SESN1: variants seen among roughly 807,000 people sequenced by gnomAD.
The protein encoded by SESN1 is sestrin-1.
A neutral mutation model predicts 59.3 loss-of-function variants in SESN1; 30 were observed. That is an observed-to-expected ratio of 0.51 (90% CI 0.38 to 0.69). SESN1 has a LOEUF of 0.69. Ranked by LOEUF, SESN1 falls within the 30% of genes least tolerant of loss-of-function variation. The pLI is 0.00. For missense variants in SESN1, 566 were observed against 673.0 expected (o/e 0.84, Z 1.76); for synonymous variants, 197 against 219.9 (o/e 0.90, Z 0.92).
At chr6:108,993,744 T>C (rs1779441881) in intron 6 of SESN1, among the ~76,000 whole-genome samples, 1 of 152,016 alleles carries the variant, frequency 6.6e-6, no homozygotes, top group South Asian at 2.1e-4. Context: ...TCATATAATT[T>C]TTGTTGTTGT....
intron 1 of SESN1, among the ~76,000 whole-genome samples, chr6:109,047,022 G>A (rs1253839190): frequency 4.6e-4 from 13 of 28,198 alleles, no homozygotes; most frequent in African/African-American, 1.9e-3. Flanking sequence ...CCGGCCAGCC[G>A]CCCCATCCGG....
intron 1 of SESN1, chr6:109,009,027 G>A (rs192575059): frequency 9.9e-7 from 1 of 1,009,960 alleles, no homozygotes; most frequent in Non-Finnish European, 1.2e-6. Context: ...CTGACTTGTG[G>A]AGACTTGTCC....
At chr6:109,013,331 G>C (rs2114353199) in intron 1 of SESN1, among the ~76,000 whole-genome samples, 1 of 152,270 alleles carries the variant, frequency 6.6e-6, no homozygotes, top group East Asian at 1.9e-4. Flanking sequence ...GCAGTCTTCG[G>C]AACAATGGGA....
chr6:109,069,634 T>G (rs967620311), intron 1 of SESN1, among the ~76,000 whole-genome samples: 19 of 152,234 alleles, frequency 1.2e-4, no homozygotes, highest in South Asian at 4.1e-4. Context: ...CTGGGACTCC[T>G]GGGTTCAAGT....
Position 108,988,533 on chromosome 6 carries a change from A to G in SESN1, c.1569+10T>C. 1 of 1,596,770 alleles carries G rather than the reference A, an allele frequency of 6.3e-7. No individual in the cohort carries two copies. Among genetic ancestry groups the G allele is most frequent in the Non-Finnish European group, 8.5e-7 (1 of 1,173,522 alleles). On this transcript the variant is annotated intron_variant, in intron 9 of 9. Coordinates refer to ENST00000436639, the MANE Select transcript of SESN1 (RefSeq NM_014454.3). ...AGTTACAAAGTAAATAAGCCACAAT[A>G]GGCACATACCTTCTCAGAGTGCTTG...
chr6:109,044,311 CAAAAAAAAAAAAAAAAAAAAAAAAAA>C (rs71015570), intron 1 of SESN1, among the ~76,000 whole-genome samples: 1 of 28,472 alleles, frequency 3.5e-5, no homozygotes, highest in Admixed American at 6.6e-4. Flanking sequence ...GAACTTGCCT[CAAAAAAAAAAAAAAAAAAAAAAAAAA>C]AAAAAAAAAA....
Position 109,002,179 on chromosome 6 carries a change from ATGT to A in SESN1, c.345+96_345+98del, listed in dbSNP as rs1236602681. 2.2e-4 allele frequency: 223 copies of A among 1,018,126 alleles called. No homozygotes were observed. The African/African-American group carries it at 3.2e-3, about 15-fold the overall frequency. 63.1% of individuals were successfully genotyped at this position (1,018,126 alleles called of 1,614,324 possible). On this transcript the variant is annotated intron_variant, in intron 2 of 9. Transcript: ENST00000436639. The stretch of plus-strand genomic sequence containing the variant: ...AACTGCAACCAACTCTGACTAAAAC[ATGT>A]TGTTGACCAACAGTTCTTCAGATGC...
chr6:109,060,149 TAAG>T (rs1742334990), intron 1 of SESN1, among the ~76,000 whole-genome samples: 1 of 151,956 alleles, frequency 6.6e-6, no homozygotes, highest in African/African-American at 2.4e-5. Flanking sequence ...ACATTTATAT[TAAG>T]GAGTAAACAA....
chr6:108,994,796 A>T (rs9486985), intron 5 of SESN1, among the ~76,000 whole-genome samples, 187 bp from the exon 6 acceptor site: 1 of 146,928 alleles, frequency 6.8e-6, no homozygotes, highest in East Asian at 2.1e-4. Context: ...TCCACCTCCC[A>T]GGTTCACGCC....
At chr6:109,011,790 G>A (rs1779862880) in intron 1 of SESN1, among the ~76,000 whole-genome samples, 2 of 151,524 alleles carry the variant, frequency 1.3e-5, no homozygotes, top group South Asian at 2.1e-4. Flanking sequence ...CACCACACCC[G>A]GCTACTTTTT....
intron 1 of SESN1, among the ~76,000 whole-genome samples, chr6:109,080,490 C>G (rs956085062): frequency 1.3e-5 from 2 of 152,090 alleles, no homozygotes; most frequent in Non-Finnish European, 2.9e-5. Context: ...TTATACACCA[C>G]AGTGAAACAT....
intron 1 of SESN1, 110 bp from the exon 2 acceptor site, chr6:109,002,453 G>A: frequency 2.5e-6 from 2 of 815,962 alleles, no homozygotes; most frequent in East Asian, 2.6e-5. Context: ...GGCTTGTTTT[G>A]ATGGTTTGTT....
chr6:109,004,081 T>C (rs900553311), intron 1 of SESN1, among the ~76,000 whole-genome samples: 1 of 152,130 alleles, frequency 6.6e-6, no homozygotes, highest in Non-Finnish European at 1.5e-5. Context: ...GACAACTGGA[T>C]AGCCATTCAG....
intron 1 of SESN1, among the ~76,000 whole-genome samples, chr6:109,054,724 T>C (rs1780600898): frequency 1.3e-5 from 2 of 152,308 alleles, no homozygotes; most frequent in African/African-American, 4.8e-5. Context: ...TGTCTTTTGC[T>C]TTTTCTTATG....
intron 1 of SESN1, among the ~76,000 whole-genome samples, chr6:109,074,623 T>G (rs912349107): frequency 6.6e-6 from 1 of 152,202 alleles, no homozygotes; most frequent in Non-Finnish European, 1.5e-5. Flanking sequence ...ACAAAATTGA[T>G]AGTAAAGTAC....
intron 4 of SESN1, among the ~76,000 whole-genome samples, chr6:108,999,351 T>C (rs927988337): frequency 6.6e-6 from 1 of 152,206 alleles, no homozygotes; most frequent in Non-Finnish European, 1.5e-5. Context: ...ATTGTATTAA[T>C]ATATTCAAAT....
intron 1 of SESN1, among the ~76,000 whole-genome samples, chr6:109,027,187 T>C (rs959737511): frequency 6.7e-6 from 1 of 150,064 alleles, no homozygotes; most frequent in African/African-American, 2.5e-5. Context: ...ATAAAATACA[T>C]CTTGGCTGGG....
chr6:109,086,899 C>T (rs192789053), intron 1 of SESN1, among the ~76,000 whole-genome samples: 4 of 152,116 alleles, frequency 2.6e-5, no homozygotes, highest in Admixed American at 6.5e-5. Flanking sequence ...TTTGGGAGGC[C>T]GAGATGGGTG....
At chr6:109,009,272 C>A in intron 1 of SESN1, 4 of 1,212,182 alleles carry the variant, frequency 3.3e-6, no homozygotes, top group Non-Finnish European at 4.3e-6. Context: ...GAGGAGGCAA[C>A]GTGACCTCCG....
Sources: gnomAD v4.1 joint callset for allele counts (sites outside exome capture counted in the v4.1 genomes callset) on GRCh38, gnomAD v4.1.1 for gene constraint, MANE v1.5 for transcripts, NCBI Gene and HGNC (gene_info 2026-07-23, HGNC 2026-07-21) for gene names.